Variants in RMDN2 observed in about 807,000 individuals in gnomAD.
RMDN2 encodes regulator of microtubule dynamics protein 2.
RMDN2 carries 61 observed loss-of-function variants against 52.8 expected under a neutral mutation model. The observed-to-expected ratio is 1.16, with a 90% CI of 0.94 to 1.43. The LOEUF (loss-of-function observed/expected upper bound fraction) is 1.43, where lower values mean the gene tolerates loss of function less well. Ranked by LOEUF, RMDN2 falls within the 40% of genes most tolerant of loss-of-function variation. RMDN2 has a pLI of 0.00. For missense variants in RMDN2, 592 were observed against 475.3 expected, an observed-to-expected ratio of 1.25 and a Z score of -2.28; for synonymous variants, 180 against 153.1, an observed-to-expected ratio of 1.18 and a Z score of -1.30.
At chr2:38,017,764 A>G, downstream of RMDN2, 1 of 299,360 alleles carries the variant, frequency 3.3e-6, no homozygotes, top group Non-Finnish European at 6.6e-6. Context: ...ACTCGTGTCC[A>G]TGTGAAGAGA....
intron 5 of RMDN2, among the ~76,000 whole-genome samples, chr2:37,984,609 A>G (rs921975011): frequency 2.6e-5 from 4 of 152,338 alleles, no homozygotes; most frequent in Admixed American, 2.0e-4. Flanking sequence ...CTGCTTTTTC[A>G]TAGTATAAAC....
chr2:38,011,092 A>C (rs938094534), intron 10 of RMDN2, among the ~76,000 whole-genome samples: 9 of 152,186 alleles, frequency 5.9e-5, no homozygotes, highest in Non-Finnish European at 1.2e-4. Context: ...TGTAGGCAGC[A>C]AACAAGCTAG....
At chr2:37,981,394 TA>T (rs1673294411) in intron 5 of RMDN2, 51 bp downstream of exon 5, 3 of 1,198,768 alleles carry the variant, frequency 2.5e-6, no homozygotes, top group Admixed American at 1.9e-5. Context: ...TGCCTCTTTA[TA>T]AATTAAATGG....
At chr2:37,973,407 G>T (rs920384759) in intron 2 of RMDN2, among the ~76,000 whole-genome samples, 7 of 152,146 alleles carry the variant, frequency 4.6e-5, no homozygotes, top group Non-Finnish European at 8.8e-5. Context: ...CATCCATTCA[G>T]CAAATTCAGT....
intron 10 of RMDN2, among the ~76,000 whole-genome samples, chr2:38,025,699 A>C (rs1679732032): frequency 6.6e-6 from 1 of 151,794 alleles, no homozygotes; most frequent in Non-Finnish European, 1.5e-5. Context: ...ATTTTGTCAC[A>C]CTTGTGTTCA....
At chr2:38,019,975 A>G (rs1328214817), downstream of RMDN2, among the ~76,000 whole-genome samples, 1 of 152,188 alleles carries the variant, frequency 6.6e-6, no homozygotes, top group Non-Finnish European at 1.5e-5. Flanking sequence ...TTTTAAAACT[A>G]AAACCATTGC....
chr2:38,020,767 T>G (rs564149739), downstream of RMDN2, among the ~76,000 whole-genome samples: 177 of 152,306 alleles, frequency 1.2e-3, 2 homozygotes, highest in Admixed American at 2.2e-3. Flanking sequence ...GCTCGGGACC[T>G]GCAGCCCCCC....
intron 4 of RMDN2, among the ~76,000 whole-genome samples, chr2:37,978,759 C>G (rs971909857): frequency 6.7e-6 from 1 of 149,976 alleles, no homozygotes; most frequent in Admixed American, 6.7e-5. Flanking sequence ...GAGTGGGTAA[C>G]AGAGCAAGAC....
chr2:38,028,745 C>T (rs987777699), intron 10 of RMDN2, among the ~76,000 whole-genome samples: 3 of 152,148 alleles, frequency 2.0e-5, no homozygotes, highest in African/African-American at 4.8e-5. Flanking sequence ...CAATTGTGGG[C>T]GGGTCCCAGT....
intron 2 of RMDN2, among the ~76,000 whole-genome samples, chr2:37,932,219 G>A (rs960291604): frequency 1.3e-5 from 2 of 149,624 alleles, no homozygotes; most frequent in Non-Finnish European, 3.0e-5. Context: ...GCCTTCCGCA[G>A]TGTTTGTGTC....
chr2:37,963,037 C>A (rs964862925), intron 2 of RMDN2: 2 of 153,076 alleles, frequency 1.3e-5, no homozygotes, highest in African/African-American at 4.8e-5. Context: ...CACCCACTGT[C>A]TAACCAGTCC....
At chr2:37,996,601 GAA>G (rs1161536445) in intron 7 of RMDN2, among the ~76,000 whole-genome samples, 13,897 of 57,552 alleles carry the variant, frequency 0.24, 656 homozygotes, top group East Asian at 0.44. Context: ...AAAAAAAAAA[GAA>G]AAAAAAAAAA....
In RMDN2 at chr2:38,011,363, G is replaced by A. The variant is rs377048679; in HGVS notation, c.1180-5823G>A. Among the ~76,000 whole-genome samples, 168 of 152,298 alleles carry A rather than the reference G, an allele frequency of 1.1e-3. 1 individual carries two copies. Among genetic ancestry groups the A allele is most frequent in the African/African-American group, 3.9e-3 (162 of 41,564 alleles). On this transcript the variant is annotated intron_variant, in intron 10 of 10. Transcript: ENST00000354545. ...TTAACAACTCAGTCTGCTCCTGTGA[G>A]CTGTTGACTGGTGTTGTGGGAACAA...
At position 37,968,893 on chromosome 2, in the gene RMDN2, A is replaced by G. The variant is rs567449199; in HGVS notation, c.453-5147A>G. Among the ~76,000 whole-genome samples the G allele has an allele frequency of 2.6e-5, 4 of 152,382 alleles. No homozygotes were observed. The South Asian group carries it at 8.3e-4, about 32-fold the overall frequency. On this transcript the variant is annotated intron_variant, in intron 2 of 10. Coordinates refer to ENST00000354545, the MANE Select transcript of RMDN2 (RefSeq NM_001170791.3). ...CTAATTTCTAACCCAAAGTTAATAA[A>G]TACAGTTAAATTTTCTCAATAATGC... is the stretch of plus-strand genomic sequence containing the variant.
intron 10 of RMDN2, among the ~76,000 whole-genome samples, chr2:38,037,207 G>C (rs1680643796): frequency 6.6e-6 from 1 of 152,164 alleles, no homozygotes; most frequent in African/African-American, 2.4e-5. Context: ...TTCTATGCAA[G>C]ATTTTGTAAG....
At chr2:37,963,771 C>G (rs1177589980) in intron 2 of RMDN2, among the ~76,000 whole-genome samples, 1 of 152,210 alleles carries the variant, frequency 6.6e-6, no homozygotes, top group Non-Finnish European at 1.5e-5. Context: ...CACATTTCCC[C>G]CCTTTCTATT....
chr2:38,007,064 G>A (rs143366851), intron 10 of RMDN2, among the ~76,000 whole-genome samples: 2 of 152,078 alleles, frequency 1.3e-5, no homozygotes, highest in Non-Finnish European at 2.9e-5. Context: ...CCCACTTGAT[G>A]ATGGTGGATA....
At chr2:38,052,564 G>C (rs1361341893) in intron 10 of RMDN2, among the ~76,000 whole-genome samples, 1 of 152,058 alleles carries the variant, frequency 6.6e-6, no homozygotes, top group Non-Finnish European at 1.5e-5. Context: ...TGTGTTGCTG[G>C]TGCTTTTGGA....
At chr2:38,010,347 G>C (rs960791738) in intron 10 of RMDN2, among the ~76,000 whole-genome samples, 1 of 152,200 alleles carries the variant, frequency 6.6e-6, no homozygotes, top group African/African-American at 2.4e-5. Context: ...CTTGAGCTGT[G>C]GTGGGCTCCA....
Sources: allele counts gnomAD v4.1 joint callset (sites outside exome capture counted in the v4.1 genomes callset), GRCh38; gene constraint gnomAD v4.1.1; transcripts MANE v1.5; gene names NCBI Gene and HGNC (gene_info 2026-07-23, HGNC 2026-07-21).